The following IRAK1BP1 variants were observed in gnomAD, a reference collection of about 807,000 sequenced individuals.
IRAK1BP1 encodes the protein interleukin 1 receptor associated kinase 1 binding protein 1, also known as interleukin-1 receptor-associated kinase 1-binding protein 1.
A neutral mutation model predicts 28.0 loss-of-function variants in IRAK1BP1; 24 were observed. The ratio of observed to expected loss-of-function variants is 0.86; its 90% confidence interval spans 0.62 to 1.20. The LOEUF (loss-of-function observed/expected upper bound fraction) is 1.20, where lower values mean the gene tolerates loss of function less well. Ranked by LOEUF, IRAK1BP1 falls within the 50% of genes most tolerant of loss-of-function variation. IRAK1BP1 has a pLI of 0.00. For missense variants in IRAK1BP1, 336 were observed against 316.7 expected (o/e 1.06, Z -0.46); for synonymous variants, 131 against 116.3 (o/e 1.13, Z -0.81).
At chr6:78,889,606 T>G (rs1771560882) in intron 2 of IRAK1BP1, among the ~76,000 whole-genome samples, 1 of 147,740 alleles carries the variant, frequency 6.8e-6, no homozygotes, top group Non-Finnish European at 1.5e-5. Context: ...AAAAAGTGGG[T>G]TGGAGGGTAT....
At chr6:78,978,050 T>C in the IRAK1BP1 span, among the ~76,000 whole-genome samples, 1 of 152,104 alleles carries the variant, frequency 6.6e-6, no homozygotes, top group South Asian at 2.1e-4. Flanking sequence ...TGAGACCAGT[T>C]CTTACATTTT....
chr6:78,952,344 A>G, the IRAK1BP1 span, among the ~76,000 whole-genome samples: 1 of 150,546 alleles, frequency 6.6e-6, no homozygotes, highest in African/African-American at 2.4e-5. Context: ...GCTTGAATCC[A>G]GGAGGCAGAG....
At chr6:78,907,672 T>C (rs959029385), downstream of IRAK1BP1, among the ~76,000 whole-genome samples, 1 of 152,200 alleles carries the variant, frequency 6.6e-6, no homozygotes, top group African/African-American at 2.4e-5. Context: ...AGCCTAATTA[T>C]ATTAGATGTT....
intron 2 of IRAK1BP1, among the ~76,000 whole-genome samples, chr6:78,895,022 C>T (rs547903525): frequency 7.3e-5 from 11 of 151,724 alleles, no homozygotes; most frequent in Admixed American, 2.6e-4. Context: ...ACAGGAGAAT[C>T]GCTTGAACCC....
chr6:78,974,592 G>A, the IRAK1BP1 span, among the ~76,000 whole-genome samples: 1 of 152,166 alleles, frequency 6.6e-6, no homozygotes, highest in Non-Finnish European at 1.5e-5. Flanking sequence ...CCAGGAGCTG[G>A]TTTTTTGAAA....
chr6:78,948,254 C>T (rs1283888787), downstream of IRAK1BP1, among the ~76,000 whole-genome samples: 1 of 152,066 alleles, frequency 6.6e-6, no homozygotes, highest in Non-Finnish European at 1.5e-5. Context: ...AACTTCAGTA[C>T]TAAAATTGGG....
intron 2 of IRAK1BP1, 80 bp downstream of exon 2, chr6:78,885,523 G>A: frequency 1.6e-6 from 1 of 634,174 alleles, no homozygotes; most frequent in Non-Finnish European, 2.7e-6. Flanking sequence ...AATGAATGGT[G>A]AAAAATGCTT....
the IRAK1BP1 span, among the ~76,000 whole-genome samples, chr6:78,971,775 C>A: frequency 1.1e-4 from 17 of 152,256 alleles, no homozygotes; most frequent in African/African-American, 2.2e-4. Flanking sequence ...ACGGACGGCA[C>A]CTGGAAAATC....
At chr6:78,970,950 T>C in the IRAK1BP1 span, 1 of 1,105,814 alleles carries the variant, frequency 9.0e-7, no homozygotes, top group African/African-American at 1.6e-5. Flanking sequence ...ATATACAGGG[T>C]ATCAGCTGAA....
chr6:78,945,082 C>A (rs937863161), intron 4 of IRAK1BP1, among the ~76,000 whole-genome samples: 1 of 141,792 alleles, frequency 7.1e-6, no homozygotes, highest in Non-Finnish European at 1.6e-5. Flanking sequence ...AGATTTATTT[C>A]TTTTTTTTTT....
chr6:78,928,102 T>C (rs951594720), intron 4 of IRAK1BP1, among the ~76,000 whole-genome samples: 3 of 152,042 alleles, frequency 2.0e-5, no homozygotes, highest in Non-Finnish European at 4.4e-5. Flanking sequence ...TATCTGTAGA[T>C]TCTTTGGGTA....
In IRAK1BP1 at chr6:78,883,117, G is replaced by T. The variant is rs372561558; in HGVS notation, c.316-2261G>T. Among the ~76,000 whole-genome samples, 153 of 152,042 alleles carry T rather than the reference G, an allele frequency of 1.0e-3. 3 individuals are homozygous for T. In the South Asian group the frequency reaches 0.03, roughly 30 times the overall value. ...ACAAAAATTTTTTTAGAAAATCTGG[G>T]CATGGTGGTATGTGCCTGTTATCCT... On this transcript the variant is annotated intron_variant, in intron 1 of 3. Transcript: ENST00000369940.
the IRAK1BP1 span, among the ~76,000 whole-genome samples, chr6:78,962,653 A>C: frequency 6.6e-6 from 1 of 152,262 alleles, no homozygotes; most frequent in Admixed American, 6.5e-5. Context: ...TCTTTTAACA[A>C]GGCAGAGCAA....
At chr6:78,884,421 T>G (rs1008054451) in intron 1 of IRAK1BP1, among the ~76,000 whole-genome samples, 4 of 152,110 alleles carry the variant, frequency 2.6e-5, no homozygotes, top group Admixed American at 6.5e-5. Context: ...TAAAAACCCT[T>G]TTGGAAAGTA....
rs188916037 is a variant in IRAK1BP1 at position 78,916,228 on chromosome 6, T to G, written c.*67+13118T>G. Among the ~76,000 whole-genome samples, 629 of 152,342 alleles carry G rather than the reference T, an allele frequency of 4.1e-3. 2 individuals carry two copies. Among genetic ancestry groups the G allele is most frequent in the African/African-American group, 0.014 (588 of 41,576 alleles). ...GTTTTTTGTTCATTTGTTTGTCTAA[T>G]TTGGTTCTAGAAAGTCTTTAGATTG... On this transcript the variant is annotated intron_variant and NMD_transcript_variant, in intron 4 of 4. Coordinates refer to the IRAK1BP1 transcript ENST00000606868.
intron 1 of IRAK1BP1, among the ~76,000 whole-genome samples, chr6:78,882,635 A>C (rs938826297): frequency 2.6e-5 from 4 of 152,322 alleles, no homozygotes; most frequent in Admixed American, 2.0e-4. Flanking sequence ...TACATGACCA[A>C]AACTTTCAAG....
chr6:78,945,405 C>T (rs752037326), intron 4 of IRAK1BP1: 1 of 1,611,932 alleles, frequency 6.2e-7, no homozygotes, highest in Admixed American at 1.7e-5. Context: ...TTTTCTTTTG[C>T]AGAATTATTC....
downstream of IRAK1BP1, chr6:78,946,643 A>C: frequency 6.8e-7 from 1 of 1,473,460 alleles, no homozygotes; most frequent in Middle Eastern, 2.5e-4. Flanking sequence ...AGTATTAAAA[A>C]ACACCAAGTT....
chr6:78,971,505 A>G, the IRAK1BP1 span, among the ~76,000 whole-genome samples: 1 of 152,128 alleles, frequency 6.6e-6, no homozygotes, highest in African/African-American at 2.4e-5. Context: ...ATTCATTAAT[A>G]CCATTATTGC....
Sources: gnomAD v4.1 joint callset for allele counts (sites outside exome capture counted in the v4.1 genomes callset) on GRCh38, gnomAD v4.1.1 for gene constraint, MANE v1.5 for transcripts, NCBI Gene and HGNC (gene_info 2026-07-23, HGNC 2026-07-21) for gene names.